Variants in CDH18 observed in about 807,000 individuals in gnomAD.
CDH18 encodes cadherin-18.
In CDH18, 31 loss-of-function variants were observed where a neutral mutation model predicts 67.9. The ratio of observed to expected loss-of-function variants is 0.46; its 90% CI spans 0.34 to 0.62. The LOEUF (loss-of-function observed/expected upper bound fraction) is 0.62, where lower values mean the gene tolerates loss of function less well. Among genes scored for constraint, CDH18 ranks in the 20% least tolerant of loss-of-function variants. CDH18 has a pLI of 0.01. For missense variants in CDH18, 890 were observed against 975.5 expected, an observed-to-expected ratio of 0.91 and a Z score of 1.17; for synonymous variants, 362 against 347.2, an observed-to-expected ratio of 1.04 and a Z score of -0.48.
intron 9 of CDH18, among the ~76,000 whole-genome samples, chr5:19,540,990 C>T (rs934336640): frequency 1.3e-5 from 2 of 152,178 alleles, no homozygotes; most frequent in Admixed American, 1.3e-4. Context: ...ATCTCATCAA[C>T]AAGCTGTAAA....
At chr5:19,779,277 A>C (rs1211297530) in intron 3 of CDH18, among the ~76,000 whole-genome samples, 1 of 152,176 alleles carries the variant, frequency 6.6e-6, no homozygotes, top group Non-Finnish European at 1.5e-5. Context: ...ATATAAGTTG[A>C]ATAATGTCCC....
chr5:20,137,458 C>T (rs1749830014), intron 2 of CDH18, among the ~76,000 whole-genome samples: 1 of 152,040 alleles, frequency 6.6e-6, no homozygotes, highest in Non-Finnish European at 1.5e-5. Context: ...CTTCTCTATG[C>T]TGTTTATTCT....
At chr5:19,670,230 T>TAAAA (rs1758555606) in intron 5 of CDH18, among the ~76,000 whole-genome samples, 3 of 152,148 alleles carry the variant, frequency 2.0e-5, no homozygotes, top group Non-Finnish European at 4.4e-5. Flanking sequence ...TAAACAGTTT[T>TAAAA]TTTTCAGATA....
intron 2 of CDH18, among the ~76,000 whole-genome samples, chr5:19,919,816 G>C (rs1281360707): frequency 6.6e-6 from 1 of 152,160 alleles, no homozygotes; most frequent in Non-Finnish European, 1.5e-5. Flanking sequence ...TTATTATATA[G>C]TGTGGACATA....
At chr5:19,782,662 C>T (rs889996588) in intron 3 of CDH18, among the ~76,000 whole-genome samples, 2 of 152,140 alleles carry the variant, frequency 1.3e-5, no homozygotes, top group Admixed American at 1.3e-4. Flanking sequence ...CGCACTTAGA[C>T]TTATTTATGC....
At chr5:19,605,496 A>G (rs1218546422) in intron 6 of CDH18, among the ~76,000 whole-genome samples, 1 of 152,004 alleles carries the variant, frequency 6.6e-6, no homozygotes, top group Non-Finnish European at 1.5e-5. Flanking sequence ...AGCCACATAG[A>G]ATACAAATTG....
intron 4 of CDH18, among the ~76,000 whole-genome samples, chr5:19,737,160 TCCAATTGCTGTGTCTC>T (rs1768450522): frequency 6.6e-6 from 1 of 152,148 alleles, no homozygotes; most frequent in African/African-American, 2.4e-5. Flanking sequence ...TTTTTCTATA[TCCAATTGCTGTGTCTC>T]CCCTCTATAC....
At chr5:19,918,833 G>C (rs73762441) in intron 2 of CDH18, among the ~76,000 whole-genome samples, 5,573 of 152,186 alleles carry the variant, frequency 0.037, 331 homozygotes, top group East Asian at 0.25. Flanking sequence ...CTGAATGACA[G>C]AGGTGATAAG....
intron 2 of CDH18, among the ~76,000 whole-genome samples, chr5:20,237,809 A>G (rs1407556754): frequency 6.6e-6 from 1 of 152,010 alleles, no homozygotes; most frequent in Admixed American, 6.6e-5. Flanking sequence ...CAAACTAAAA[A>G]TAAAATTCAC....
chr5:20,566,363 T>A (rs1053024235), intron 1 of CDH18, among the ~76,000 whole-genome samples: 1 of 143,334 alleles, frequency 7.0e-6, no homozygotes, highest in Non-Finnish European at 1.5e-5. Flanking sequence ...TCTTTTTCTT[T>A]TTTTTTTTTT....
chr5:20,481,943 T>C (rs1205466134), intron 1 of CDH18, among the ~76,000 whole-genome samples: 1 of 150,794 alleles, frequency 6.6e-6, no homozygotes, highest in Non-Finnish European at 1.5e-5. Flanking sequence ...AAAAAAGGAA[T>C]AATAAATATC....
At chr5:20,566,354 C>CT (rs1581210155) in intron 1 of CDH18, among the ~76,000 whole-genome samples, 1 of 129,842 alleles carries the variant, frequency 7.7e-6, no homozygotes, top group South Asian at 2.3e-4. Flanking sequence ...GATTTTTTTT[C>CT]TTTTTCTTTT....
intron 5 of CDH18, among the ~76,000 whole-genome samples, chr5:19,669,982 T>C (rs1470322759): frequency 1.3e-5 from 2 of 152,118 alleles, no homozygotes; most frequent in African/African-American, 4.8e-5. Flanking sequence ...GCGATGCTGA[T>C]ACTACCAGTT....
intron 2 of CDH18, among the ~76,000 whole-genome samples, chr5:20,077,757 G>A (rs2150535289): frequency 6.6e-6 from 1 of 152,172 alleles, no homozygotes; most frequent in East Asian, 1.9e-4. Flanking sequence ...CATTTGTTTA[G>A]TACTGTTACA....
At chr5:19,631,436 T>C (rs1752399310) in intron 5 of CDH18, among the ~76,000 whole-genome samples, 1 of 152,136 alleles carries the variant, frequency 6.6e-6, no homozygotes, top group African/African-American at 2.4e-5. Flanking sequence ...ACTTAAGTCC[T>C]ACGTTTAAGA....
At chr5:19,663,181 T>C (rs1757427031) in intron 5 of CDH18, among the ~76,000 whole-genome samples, 1 of 152,008 alleles carries the variant, frequency 6.6e-6, no homozygotes, top group South Asian at 2.1e-4. Context: ...TGGACATTTG[T>C]GGAACCTTCC....
intron 1 of CDH18, among the ~76,000 whole-genome samples, chr5:20,551,141 T>A (rs1474492638): frequency 6.6e-6 from 1 of 152,190 alleles, no homozygotes; most frequent in Admixed American, 6.5e-5. Flanking sequence ...GGAGTAAATG[T>A]AAATCTCTTT....
chr5:19,715,416 G>A (rs1326229130), intron 5 of CDH18, among the ~76,000 whole-genome samples: 3 of 152,214 alleles, frequency 2.0e-5, no homozygotes, highest in African/African-American at 2.4e-5. Context: ...GTTATTGTCC[G>A]TCAAGAGCTC....
At chr5:19,842,397 C>T (rs780293882) in intron 2 of CDH18, among the ~76,000 whole-genome samples, 9 of 152,172 alleles carry the variant, frequency 5.9e-5, no homozygotes, top group Non-Finnish European at 1.2e-4. Flanking sequence ...TAAGTTATCA[C>T]AAGATCTGAC....
Sources: allele counts gnomAD v4.1 joint callset (sites outside exome capture counted in the v4.1 genomes callset), GRCh38; gene constraint gnomAD v4.1.1; transcripts MANE v1.5; gene names NCBI Gene and HGNC (gene_info 2026-07-23, HGNC 2026-07-21).